CCNJL: variants seen among roughly 807,000 people sequenced by gnomAD.
The protein encoded by CCNJL is cyclin J like, also known as cyclin-J-like protein.
Under a neutral mutation model 33.4 loss-of-function variants are expected in CCNJL, and 33 were observed. The ratio of observed to expected loss-of-function variants is 0.99; its 90% CI spans 0.75 to 1.32. CCNJL has a LOEUF of 1.32. Among genes scored for constraint, CCNJL ranks in the 40% most tolerant of loss-of-function variants. CCNJL has a pLI of 0.00. For missense variants in CCNJL, 512 were observed against 499.7 expected (o/e 1.02, Z -0.23); for synonymous variants, 227 against 220.9 (o/e 1.03, Z -0.24).
intron 2 of CCNJL, among the ~76,000 whole-genome samples, chr5:160,295,809 G>A (rs1862438): frequency 0.2 from 30,104 of 152,118 alleles, 3,880 homozygotes; most frequent in African/African-American, 0.37. Flanking sequence ...CTGACACCCC[G>A]ATGTCAGACT....
At chr5:160,307,839 G>A (rs1763140092) in intron 2 of CCNJL, among the ~76,000 whole-genome samples, 1 of 152,152 alleles carries the variant, frequency 6.6e-6, no homozygotes, top group Non-Finnish European at 1.5e-5. Flanking sequence ...GGCTGAGCAT[G>A]GGATAAAGGT....
chr5:160,325,550 C>T (rs1394565510), intron 1 of CCNJL, among the ~76,000 whole-genome samples: 1 of 152,218 alleles, frequency 6.6e-6, no homozygotes, highest in African/African-American at 2.4e-5. Context: ...CCATTAGTGA[C>T]TATTGCCTGT....
chr5:160,254,875 A>T (rs1760983208), intron 5 of CCNJL: 1 of 152,722 alleles, frequency 6.5e-6, no homozygotes, highest in Non-Finnish European at 1.5e-5. Context: ...CTAAGAGGTC[A>T]GCTTTGTGAC....
chr5:160,263,349 C>A (rs924835770), intron 3 of CCNJL, among the ~76,000 whole-genome samples: 15 of 152,180 alleles, frequency 9.9e-5, no homozygotes, highest in Admixed American at 9.8e-4. Flanking sequence ...TGACTTTCTC[C>A]AGGGGTCCTA....
At chr5:160,269,523 G>A (rs913417067) in intron 3 of CCNJL, 5 of 456,338 alleles carry the variant, frequency 1.1e-5, no homozygotes, top group African/African-American at 1.0e-4. Context: ...GGGCACTGGG[G>A]ACCCTGATCC....
chr5:160,301,643 G>C (rs951535116), intron 2 of CCNJL, among the ~76,000 whole-genome samples: 1 of 151,340 alleles, frequency 6.6e-6, no homozygotes, highest in African/African-American at 2.4e-5. Context: ...CACCATGTTG[G>C]CCAGGATGGT....
intron 3 of CCNJL, chr5:160,276,132 C>G (rs922807585): frequency 6.6e-6 from 1 of 152,186 alleles, no homozygotes; most frequent in Non-Finnish European, 1.5e-5. Context: ...CTGTGGCTCA[C>G]GCCTGTAACC....
At chr5:160,268,239 G>A (rs1253946442) in intron 3 of CCNJL, among the ~76,000 whole-genome samples, 2 of 152,238 alleles carry the variant, frequency 1.3e-5, no homozygotes, top group African/African-American at 2.4e-5. Flanking sequence ...AGGGCACCAT[G>A]CTCTGGCAGG....
intron 3 of CCNJL, among the ~76,000 whole-genome samples, chr5:160,263,135 T>C (rs1031768560): frequency 1.3e-5 from 2 of 152,228 alleles, no homozygotes; most frequent in African/African-American, 4.8e-5. Flanking sequence ...CTGACCCTGA[T>C]CCATGTGTGC....
chr5:160,260,931 C>CGGTCT (rs949264466), intron 3 of CCNJL: 1 of 152,308 alleles, frequency 6.6e-6, no homozygotes, highest in African/African-American at 2.4e-5. Flanking sequence ...GGCCTGGCCT[C>CGGTCT]GGTCTGTTCA....
intron 1 of CCNJL, among the ~76,000 whole-genome samples, chr5:160,330,898 C>A (rs553461681): frequency 7.3e-4 from 111 of 152,244 alleles, no homozygotes; most frequent in African/African-American, 2.5e-3. Context: ...TCTGATCTGC[C>A]CACCTTGGCC....
chr5:160,258,290 G>A, intron 4 of CCNJL: 2 of 739,686 alleles, frequency 2.7e-6, no homozygotes, highest in South Asian at 2.8e-5. Flanking sequence ...TCAGGCAAGT[G>A]GCTGGATGGT....
intron 2 of CCNJL, among the ~76,000 whole-genome samples, chr5:160,290,995 T>A (rs889323867): frequency 8.1e-6 from 1 of 123,626 alleles, no homozygotes; most frequent in Non-Finnish European, 1.6e-5. Flanking sequence ...GATCGCTTGA[T>A]GAGACCAGCC....
intron 2 of CCNJL, among the ~76,000 whole-genome samples, chr5:160,296,378 G>C (rs1175650181): frequency 6.6e-6 from 1 of 152,218 alleles, no homozygotes; most frequent in African/African-American, 2.4e-5. Context: ...AACAAGCTCA[G>C]CTAAGGAAAG....
intron 2 of CCNJL, among the ~76,000 whole-genome samples, chr5:160,306,062 T>G (rs896045994): frequency 2.6e-5 from 4 of 152,006 alleles, no homozygotes; most frequent in African/African-American, 9.6e-5. Context: ...TCACCTGAGG[T>G]CAGGAGTTAG....
chr5:160,290,485 C>T (rs997711514), intron 2 of CCNJL, among the ~76,000 whole-genome samples: 4 of 152,070 alleles, frequency 2.6e-5, no homozygotes, highest in African/African-American at 9.7e-5. Flanking sequence ...CCAGGCTGGT[C>T]TCGAACTCCT....
upstream of CCNJL, among the ~76,000 whole-genome samples, chr5:160,313,118 A>G (rs908657519): frequency 2.6e-5 from 4 of 152,334 alleles, no homozygotes; most frequent in Non-Finnish European, 5.9e-5. Context: ...GTGCTCCTGC[A>G]GAATATGAAC....
chr5:160,259,866 C>A, intron 3 of CCNJL, 95 bp from the exon 4 acceptor site: 1 of 1,019,770 alleles, frequency 9.8e-7, no homozygotes. Context: ...ACATTGCTGG[C>A]AAAGAAGACA....
chr5:160,313,114 C>T (rs1379330782), upstream of CCNJL, among the ~76,000 whole-genome samples: 1 of 152,186 alleles, frequency 6.6e-6, no homozygotes, highest in African/African-American at 2.4e-5. Flanking sequence ...TATTGTGCTC[C>T]TGCAGAATAT....
Sources: gnomAD v4.1 joint callset for allele counts (sites outside exome capture counted in the v4.1 genomes callset) on GRCh38, gnomAD v4.1.1 for gene constraint, MANE v1.5 for transcripts, NCBI Gene and HGNC (gene_info 2026-07-23, HGNC 2026-07-21) for gene names.